ZNHIT6: variants seen among roughly 807,000 people sequenced by gnomAD.
ZNHIT6 encodes zinc finger HIT-type containing 6, also known as box C/D snoRNA protein 1.
Under a neutral mutation model 57.2 loss-of-function variants are expected in ZNHIT6, and 45 were observed. The ratio of observed to expected loss-of-function variants is 0.79; its 90% CI spans 0.62 to 1.01. The LOEUF is 1.01. ZNHIT6 is among the 50% of genes least tolerant of loss of function. The pLI is 0.00. For missense variants in ZNHIT6, 528 were observed against 567.3 expected, an observed-to-expected ratio of 0.93 and a Z score of 0.70; for synonymous variants, 188 against 190.0, an observed-to-expected ratio of 0.99 and a Z score of 0.09.
chr1:85,653,364 G>T lies in ZNHIT6; in HGVS notation c.*694C>A, dbSNP rs1052363830. The T allele has an allele frequency of 6.6e-6, 1 of 152,114 alleles. No individual in the cohort carries two copies. Among genetic ancestry groups the T allele is most frequent in the African/African-American group, 2.4e-5 (1 of 41,412 alleles). 9.4% of individuals were successfully genotyped at this position (152,114 alleles called of 1,614,324 possible). ...AAGATTAGTTCTCCTGTGGCTAGAC[G>T]GTGCGTTGTACAGCCTTTCCGTTTA... On this transcript the variant is annotated 3_prime_UTR_variant, in exon 10 of 10. Coordinates refer to ENST00000370574, the MANE Select transcript of ZNHIT6 (RefSeq NM_017953.4).
In ZNHIT6 at chr1:85,699,788, T is replaced by C. The variant is rs575326917; in HGVS notation, c.1019+2369A>G. Among the ~76,000 whole-genome samples the C allele has an allele frequency of 5.3e-5, 8 of 152,230 alleles. No homozygotes were observed. In the South Asian group the frequency reaches 6.2e-4, roughly 12 times the overall value. Reference sequence around the variant, plus strand: ...AGGCTGTTTAATACCGTGTTATGTATAATAATTAAAAACAAGACATAAAAT... The same window carrying C: ...AGGCTGTTTAATACCGTGTTATGTACAATAATTAAAAACAAGACATAAAAT... On this transcript the variant is annotated intron_variant, in intron 5 of 9. Coordinates refer to ENST00000370574, the MANE Select transcript of ZNHIT6 (RefSeq NM_017953.4).
chr1:85,692,249 C>T (rs969658251), intron 5 of ZNHIT6, among the ~76,000 whole-genome samples: 1 of 152,096 alleles, frequency 6.6e-6, no homozygotes, highest in Non-Finnish European at 1.5e-5. Flanking sequence ...TGGGAAAAGG[C>T]TTCCTTAACT....
intron 9 of ZNHIT6, among the ~76,000 whole-genome samples, chr1:85,655,766 A>C (rs2100643489): frequency 6.6e-6 from 1 of 152,308 alleles, no homozygotes; most frequent in Admixed American, 6.5e-5. Context: ...TCTCCAATCT[A>C]GTGGAGTATC....
At chr1:85,696,920 G>T (rs1324465172) in intron 5 of ZNHIT6, among the ~76,000 whole-genome samples, 2 of 149,556 alleles carry the variant, frequency 1.3e-5, no homozygotes, top group Non-Finnish European at 3.0e-5. Context: ...GAGTGCAGTG[G>T]CGCAATCTCG....
chr1:85,675,716 C>T (rs1343371452), intron 8 of ZNHIT6, among the ~76,000 whole-genome samples: 1 of 152,184 alleles, frequency 6.6e-6, no homozygotes, highest in Non-Finnish European at 1.5e-5. Flanking sequence ...GCTATTTTGT[C>T]TACATTGAAA....
chr1:85,671,877 A>G (rs1661564937), intron 8 of ZNHIT6, among the ~76,000 whole-genome samples: 3 of 152,182 alleles, frequency 2.0e-5, no homozygotes, highest in Non-Finnish European at 4.4e-5. Context: ...GGAAGTTCTC[A>G]TGATTTGGTT....
intron 5 of ZNHIT6, among the ~76,000 whole-genome samples, chr1:85,687,288 C>CAAAAAAAAAAAAAAAAAAAA: frequency 1.3e-5 from 1 of 75,226 alleles, no homozygotes. Flanking sequence ...TCTCAAAAAA[C>CAAAAAAAAAAAAAAAAAAAA]AAAAAAAAAA....
At chr1:85,674,221 G>A (rs1204044329) in intron 8 of ZNHIT6, among the ~76,000 whole-genome samples, 1 of 152,144 alleles carries the variant, frequency 6.6e-6, no homozygotes, top group Non-Finnish European at 1.5e-5. Context: ...AAAAATGGGG[G>A]AATTTGGAAG....
chr1:85,672,051 T>C (rs1164622170), intron 8 of ZNHIT6, among the ~76,000 whole-genome samples: 1 of 152,184 alleles, frequency 6.6e-6, no homozygotes, highest in Non-Finnish European at 1.5e-5. Context: ...TACTATTTTT[T>C]ACTAGTATAC....
At chr1:85,680,232 G>A (rs977622801) in intron 6 of ZNHIT6, among the ~76,000 whole-genome samples, 13 of 152,144 alleles carry the variant, frequency 8.5e-5, no homozygotes, top group Non-Finnish European at 4.4e-5. Flanking sequence ...TAAAGAAAAA[G>A]AAAAGAACAA....
chr1:85,660,723 C>T (rs1023731970), intron 8 of ZNHIT6, among the ~76,000 whole-genome samples: 13 of 151,882 alleles, frequency 8.6e-5, no homozygotes, highest in Admixed American at 2.0e-4. Flanking sequence ...TTACTTGGAT[C>T]CTGAAACTGT....
At chr1:85,691,729 T>A (rs1662226120) in intron 5 of ZNHIT6, among the ~76,000 whole-genome samples, 1 of 151,760 alleles carries the variant, frequency 6.6e-6, no homozygotes, top group Non-Finnish European at 1.5e-5. Context: ...CTACTAAAAA[T>A]ATATAAATTA....
At chr1:85,687,309 A>AAAAAAAAAAAAAT (rs1662089231) in intron 5 of ZNHIT6, among the ~76,000 whole-genome samples, 2 of 144,020 alleles carry the variant, frequency 1.4e-5, no homozygotes, top group South Asian at 2.2e-4. Flanking sequence ...CAAAAAAAAA[A>AAAAAAAAAAAAAT]AACAATTTAG....
chr1:85,666,821 AT>A (rs1303128287), intron 8 of ZNHIT6, among the ~76,000 whole-genome samples: 3 of 152,168 alleles, frequency 2.0e-5, no homozygotes, highest in African/African-American at 7.2e-5. Flanking sequence ...TAACTCTAAC[AT>A]TTTCTAATCC....
rs747290876 is a variant in ZNHIT6 at position 85,707,829 on chromosome 1, C to T, written c.456G>A (p.Val152=). The T allele has an allele frequency of 1.2e-6, 2 of 1,614,158 alleles. No homozygotes were observed. Among genetic ancestry groups the T allele is most frequent in the East Asian group, 2.2e-5 (1 of 44,884 alleles). ...TCTCCAAGTTATCCTTCTCTTCCTT[C>T]ACTTCTGACCAGTCCATTACCTCTT... ...VKEEVMDWSE[V]KEEKDNLEIK... The change falls in exon 1 of 10, where the codon GTG becomes GTA. Residue 152 remains valine, a synonymous_variant. Coordinates refer to ENST00000370574, the MANE Select transcript of ZNHIT6 (RefSeq NM_017953.4).
chr1:85,659,210 TTACTTTAAAAAAATAAG>T, intron 8 of ZNHIT6, among the ~76,000 whole-genome samples: 1 of 152,152 alleles, frequency 6.6e-6, no homozygotes, highest in South Asian at 2.1e-4. Flanking sequence ...TCTCAAATCA[TTACTTTAAAAAAATAAG>T]TCTGAGGTGG....
intron 5 of ZNHIT6, among the ~76,000 whole-genome samples, chr1:85,682,220 T>TC (rs1661900774): frequency 6.6e-6 from 1 of 150,672 alleles, no homozygotes; most frequent in African/African-American, 2.4e-5. Flanking sequence ...GACACAGGGT[T>TC]TCACTACGTT....
intron 9 of ZNHIT6, among the ~76,000 whole-genome samples, chr1:85,656,315 C>T (rs981875960): frequency 3.3e-5 from 5 of 152,170 alleles, no homozygotes. Context: ...GTACTAAAAG[C>T]ATGAGTCATT....
At chr1:85,683,338 GA>G (rs1429588805) in intron 5 of ZNHIT6, among the ~76,000 whole-genome samples, 1 of 152,158 alleles carries the variant, frequency 6.6e-6, no homozygotes, top group African/African-American at 2.4e-5. Flanking sequence ...CTCACATGGT[GA>G]AACCCCGTCT....
Sources: gnomAD v4.1 joint callset for allele counts (sites outside exome capture counted in the v4.1 genomes callset) on GRCh38, gnomAD v4.1.1 for gene constraint, MANE v1.5 for transcripts, NCBI Gene and HGNC (gene_info 2026-07-23, HGNC 2026-07-21) for gene names.